Variants in CHL1 observed in about 807,000 individuals in gnomAD.
CHL1 encodes neural cell adhesion molecule L1-like protein.
CHL1 carries 96 observed loss-of-function variants against 141.9 expected under a neutral mutation model. The observed-to-expected ratio is 0.68, with a 90% CI of 0.57 to 0.80. CHL1 has a LOEUF of 0.80. Ranked by LOEUF, CHL1 falls within the 30% of genes least tolerant of loss-of-function variation. The pLI is 0.00. For synonymous variants in CHL1, 613 were observed against 502.2 expected, an observed-to-expected ratio of 1.22 and a Z score of -2.95; for missense variants, 1,820 against 1,457.2, an observed-to-expected ratio of 1.25 and a Z score of -4.05.
At chr3:338,182 G>C (rs571068199) in intron 5 of CHL1, among the ~76,000 whole-genome samples, 5 of 152,136 alleles carry the variant, frequency 3.3e-5, no homozygotes, top group Admixed American at 6.5e-5. Flanking sequence ...AGTTGATTCT[G>C]ATCCCTTTGC....
At chr3:227,126 C>T (rs1254884399) in intron 1 of CHL1, among the ~76,000 whole-genome samples, 2 of 152,130 alleles carry the variant, frequency 1.3e-5, no homozygotes, top group South Asian at 4.1e-4. Flanking sequence ...TTCTTTCCAT[C>T]CCATGCACAT....
intron 5 of CHL1, among the ~76,000 whole-genome samples, 192 bp from the exon 6 acceptor site, chr3:340,602 T>G (rs1702273642): frequency 6.6e-6 from 1 of 152,134 alleles, no homozygotes; most frequent in African/African-American, 2.4e-5. Flanking sequence ...GAAATATTTT[T>G]AAAGTTGTGT....
At chr3:275,058 C>G (rs1378091960) in intron 2 of CHL1, among the ~76,000 whole-genome samples, 1 of 152,176 alleles carries the variant, frequency 6.6e-6, no homozygotes, top group Non-Finnish European at 1.5e-5. Context: ...ACTTCGTTGC[C>G]TAGCATGGCA....
At chr3:298,115 A>G (rs1000264645) in intron 2 of CHL1, among the ~76,000 whole-genome samples, 1 of 152,228 alleles carries the variant, frequency 6.6e-6, no homozygotes, top group Non-Finnish European at 1.5e-5. Context: ...CAGGAAAGAG[A>G]CAACATATCA....
At chr3:266,956 C>T (rs1176104827) in intron 2 of CHL1, among the ~76,000 whole-genome samples, 1 of 152,180 alleles carries the variant, frequency 6.6e-6, no homozygotes, top group African/African-American at 2.4e-5. Flanking sequence ...ATCAAGTCTG[C>T]AGGAAGCTGG....
chr3:315,362 G>A lies in CHL1; in HGVS notation c.-94-4321G>A, dbSNP rs77253524. ...TCATCACTGCACATCACTTTGTCAT[G>A]TGACCAGTCAGGAGGCCACAGTAGC... On this transcript the variant is annotated intron_variant, in intron 2 of 27. Coordinates refer to ENST00000256509, the MANE Select transcript of CHL1 (RefSeq NM_006614.4). Among the ~76,000 whole-genome samples, 879 of 152,230 alleles carry A rather than the reference G, an allele frequency of 5.8e-3. 5 individuals carry two copies. The highest frequency in any genetic ancestry group is 0.02 in the African/African-American group (816 of 41,542).
chr3:297,826 G>A (rs960905888), intron 2 of CHL1, among the ~76,000 whole-genome samples: 37 of 152,166 alleles, frequency 2.4e-4, no homozygotes, highest in Middle Eastern at 3.2e-3. Flanking sequence ...GTTAACAACA[G>A]GAAGCCAAAC....
In CHL1 at chr3:394,878, T is replaced by C; in HGVS notation, c.3094+6T>C. ...CTCCACCTTAGGAGAAGGGAGTAAG[T>C]ACATGAGGCTTCTCTTTTTAATAGA... On this transcript the variant is annotated splice_donor_region_variant and intron_variant, in intron 24 of 27. Transcript: ENST00000256509. 3.2e-6 allele frequency: 5 copies of C among 1,586,836 alleles called. No individual in the cohort carries two copies. Among genetic ancestry groups the C allele is most frequent in the Non-Finnish European group, 4.3e-6 (5 of 1,170,920 alleles).
At chr3:378,730 T>G (rs1706661745) in intron 16 of CHL1, among the ~76,000 whole-genome samples, 1 of 152,180 alleles carries the variant, frequency 6.6e-6, no homozygotes, top group Non-Finnish European at 1.5e-5. Context: ...GGACTGGCTG[T>G]GTCCCACTGC....
intron 2 of CHL1, among the ~76,000 whole-genome samples, chr3:245,099 G>A (rs1693038459): frequency 6.6e-6 from 1 of 152,074 alleles, no homozygotes; most frequent in Admixed American, 6.6e-5. Flanking sequence ...ATTTTCAGGG[G>A]GTTAACAGAG....
chr3:338,230 A>G, intron 5 of CHL1, among the ~76,000 whole-genome samples: 1 of 152,232 alleles, frequency 6.6e-6, no homozygotes, highest in Admixed American at 6.5e-5. Context: ...TCTTGTTGAA[A>G]CAAAGTTAAG....
At chr3:338,403 C>T (rs1300319681) in intron 5 of CHL1, among the ~76,000 whole-genome samples, 2 of 152,276 alleles carry the variant, frequency 1.3e-5, no homozygotes, top group African/African-American at 2.4e-5. Context: ...ACCAGATAAA[C>T]ACAGTAAATG....
intron 2 of CHL1, among the ~76,000 whole-genome samples, chr3:315,187 C>T (rs949900513): frequency 6.6e-6 from 1 of 152,130 alleles, no homozygotes; most frequent in Admixed American, 6.6e-5. Flanking sequence ...CTGCTAATGA[C>T]ACATTACCTC....
rs1440202511 is a variant in CHL1 at position 408,942 on chromosome 3, C to G, written c.*3231C>G. 6.6e-6 allele frequency: 1 copy of G among 151,954 alleles called. No homozygotes were observed. The highest frequency in any genetic ancestry group is 1.9e-4 in the East Asian group (1 of 5,182). The allele number at this position is 151,954 out of a possible 1,614,324, so 9.4% of individuals were successfully genotyped here. A position where few individuals can be genotyped will look rare whatever the true frequency, so the allele number is the denominator to read the frequency against. ...AATAATATTTTTTTCCTATTTTATA[C>G]TCATGGAAGAGATAAGCTAAAGAGG... On this transcript the variant is annotated 3_prime_UTR_variant, in exon 28 of 28. Transcript: ENST00000256509.
intron 2 of CHL1, among the ~76,000 whole-genome samples, chr3:248,840 T>G (rs1693422782): frequency 6.6e-6 from 1 of 152,164 alleles, no homozygotes; most frequent in South Asian, 2.1e-4. Flanking sequence ...GGTGATCTCT[T>G]TCATAAGCAG....
intron 2 of CHL1, among the ~76,000 whole-genome samples, chr3:255,611 A>G (rs1574873254): frequency 6.6e-6 from 1 of 152,234 alleles, no homozygotes; most frequent in African/African-American, 2.4e-5. Context: ...TCTGTGCTCA[A>G]TGGATGCAAG....
intron 19 of CHL1, 76 bp from the exon 20 acceptor site, chr3:389,176 A>T: frequency 9.0e-7 from 1 of 1,110,764 alleles, no homozygotes; most frequent in South Asian, 1.4e-5. Flanking sequence ...TCCTTATTCC[A>T]CTTAGGGTGG....
At chr3:383,966 C>CT in intron 19 of CHL1, 80 bp downstream of exon 19, 1 of 874,738 alleles carries the variant, frequency 1.1e-6, no homozygotes, top group Non-Finnish European at 1.8e-6. Flanking sequence ...ACAATGATAG[C>CT]ACAACATTTT....
At chr3:234,993 C>CTATTATTATTAT (rs67249915) in intron 1 of CHL1, among the ~76,000 whole-genome samples, 2,413 of 148,328 alleles carry the variant, frequency 0.016, 32 homozygotes, top group Non-Finnish European at 0.024. Context: ...TTTTTTATTA[C>CTATTATTATTAT]TATTATTATT....
Sources: gnomAD v4.1 joint callset for allele counts (sites outside exome capture counted in the v4.1 genomes callset) on GRCh38, gnomAD v4.1.1 for gene constraint, MANE v1.5 for transcripts, NCBI Gene and HGNC (gene_info 2026-07-23, HGNC 2026-07-21) for gene names.